ANKRD28: variants seen among roughly 807,000 people sequenced by gnomAD.
The protein encoded by ANKRD28 is serine/threonine-protein phosphatase 6 regulatory ankyrin repeat subunit A.
In ANKRD28, 44 loss-of-function variants were observed where a neutral mutation model predicts 126.5. That is an observed-to-expected ratio of 0.35 (90% CI 0.27 to 0.45). The LOEUF is 0.45. Among genes scored for constraint, ANKRD28 ranks in the 20% least tolerant of loss-of-function variants. ANKRD28 has a pLI of 1.00. For synonymous variants in ANKRD28, 442 were observed against 468.5 expected (o/e 0.94, Z 0.73); for missense variants, 1,110 against 1,316.6 (o/e 0.84, Z 2.43).
At chr3:15,798,211 A>ACGG (rs2060364713), upstream of ANKRD28, 1 of 974,324 alleles carries the variant, frequency 1.0e-6, no homozygotes, top group African/African-American at 1.8e-5. Flanking sequence ...ACAATTCCAA[A>ACGG]CGGCTTAACT....
At position 15,796,970 on chromosome 3, in the gene ANKRD28, T is replaced by C; in HGVS notation, c.-449A>G. The C allele has an allele frequency of 4.1e-6, 4 of 985,562 alleles. No individual in the cohort carries two copies. Among genetic ancestry groups the C allele is most frequent in the South Asian group, 4.7e-5 (1 of 21,320 alleles). The allele number at this position is 985,562 out of a possible 1,614,324, so 61.1% of individuals were successfully genotyped here. A position where few individuals can be genotyped will look rare whatever the true frequency, so the allele number is the denominator to read the frequency against. On this transcript the variant is annotated 5_prime_UTR_variant, in exon 1 of 28. Coordinates refer to ENST00000683139, the MANE Select transcript of ANKRD28 (RefSeq NM_001349278.2). ...GCTGTGACAGAGATGATCACAGCGATACCCACTCTTGCCTGCAAGGTCATA... is the reference window on the plus strand; with the variant it reads ...GCTGTGACAGAGATGATCACAGCGACACCCACTCTTGCCTGCAAGGTCATA...
chr3:15,795,038 C>T (rs1228953885), intron 2 of ANKRD28, among the ~76,000 whole-genome samples, 185 bp downstream of exon 2: 1 of 152,018 alleles, frequency 6.6e-6, no homozygotes, highest in Non-Finnish European at 1.5e-5. Context: ...ACAAAAGACC[C>T]CTACTGGCTG....
At chr3:15,819,202 T>C (rs1480321639) in intron 1 of ANKRD28, among the ~76,000 whole-genome samples, 1 of 152,120 alleles carries the variant, frequency 6.6e-6, no homozygotes, top group Non-Finnish European at 1.5e-5. Context: ...TGCTTGAGCC[T>C]GGGAGGTCAA....
Position 15,678,254 on chromosome 3 carries a change from T to A in ANKRD28, c.2662A>T (p.Thr888Ser), listed in dbSNP as rs753880632. The change falls in exon 24 of 28, where the codon ACA becomes TCA. Residue 888 changes from threonine (T) to serine (S), a missense_variant. Transcript: ENST00000683139. ...QVNSVDSTGK[T>S]PLMMAAENGQ... ...TTTTCTGCAGCCATCATAAGAGGTGTTTTCCCTGTAGAGTCCACAGAATTG... is the reference window on the plus strand; with the variant it reads ...TTTTCTGCAGCCATCATAAGAGGTGATTTCCCTGTAGAGTCCACAGAATTG... 1 of 1,612,654 alleles carries A rather than the reference T, an allele frequency of 6.2e-7. No individual in the cohort carries two copies. Among genetic ancestry groups the A allele is most frequent in the South Asian group, 1.1e-5 (1 of 91,006 alleles).
chr3:15,695,808 T>C (rs2125887608), intron 15 of ANKRD28, among the ~76,000 whole-genome samples: 1 of 152,260 alleles, frequency 6.6e-6, no homozygotes, highest in South Asian at 2.1e-4. Context: ...TCACAGGGAC[T>C]TTTATTTCTC....
At chr3:15,764,170 G>C (rs918423267) in intron 3 of ANKRD28, among the ~76,000 whole-genome samples, 1 of 152,144 alleles carries the variant, frequency 6.6e-6, no homozygotes, top group Non-Finnish European at 1.5e-5. Context: ...ACTGAGCTGA[G>C]ATTGTGCCAC....
In ANKRD28 at chr3:15,742,945, C is replaced by T. The variant is rs1255040792; in HGVS notation, c.352-5712G>A. Reference sequence around the variant, plus strand: ...TTGTGGAATAGAAAGGGGGGAAAGGCGGGGAAAGGATTGAGAAATCGGATG... The same window carrying T: ...TTGTGGAATAGAAAGGGGGGAAAGGTGGGGAAAGGATTGAGAAATCGGATG... On this transcript the variant is annotated intron_variant, in intron 4 of 27. Transcript: ENST00000683139. 1.6e-3 allele frequency among the ~76,000 whole-genome samples: 246 copies of T among 150,908 alleles called. 5 individuals carry two copies. Among genetic ancestry groups the T allele is most frequent in the Non-Finnish European group, 5.6e-4 (38 of 67,764 alleles).
intron 1 of ANKRD28, chr3:15,859,342 G>A (rs560709934): frequency 2.6e-6 from 4 of 1,521,068 alleles, no homozygotes; most frequent in Non-Finnish European, 3.5e-6. Context: ...TTCCTTCCCG[G>A]ACGGCGCGAT....
Position 15,737,080 on chromosome 3 carries a change from C to A in ANKRD28, c.505G>T (p.Ala169Ser). 6.2e-7 allele frequency: 1 copy of A among 1,613,958 alleles called. No homozygotes were observed. Among genetic ancestry groups the A allele is most frequent in the Non-Finnish European group, 8.5e-7 (1 of 1,179,876 alleles). Reference protein sequence around the residue: ...LLSNVNVSDRAGRTALHHAAF... With the variant: ...LLSNVNVSDRSGRTALHHAAF... Reference sequence around the variant, plus strand: ...GCATGATGTAATGCAGTCCTCCCTGCTCGATCAGATACGTTTACATTACTC... The same window carrying A: ...GCATGATGTAATGCAGTCCTCCCTGATCGATCAGATACGTTTACATTACTC... Residue 169 changes from alanine to serine, a missense_variant, in exon 5 of 28, where the codon GCA becomes TCA. Coordinates refer to ENST00000683139, the MANE Select transcript of ANKRD28 (RefSeq NM_001349278.2).
chr3:15,797,014 T>C lies in ANKRD28; in HGVS notation c.-493A>G, dbSNP rs1246493313. ...GGTCATATAGTTACCAGTAGCTGTT[T>C]TGCTTATAATTGAAAATAAAAAATA... On this transcript the variant is annotated 5_prime_UTR_variant, in exon 1 of 28. Coordinates refer to ENST00000683139, the MANE Select transcript of ANKRD28 (RefSeq NM_001349278.2). 1 of 985,250 alleles carries C rather than the reference T, an allele frequency of 1.0e-6. No homozygotes were observed. Among genetic ancestry groups the C allele is most frequent in the Non-Finnish European group, 1.2e-6 (1 of 829,830 alleles). 61.0% of individuals were successfully genotyped at this position (985,250 alleles called of 1,614,324 possible). A position where few individuals can be genotyped will look rare whatever the true frequency, so the allele number is the denominator to read the frequency against.
chr3:15,837,999 T>A (rs779562529), intron 1 of ANKRD28, among the ~76,000 whole-genome samples: 7 of 151,312 alleles, frequency 4.6e-5, no homozygotes, highest in Admixed American at 2.0e-4. Flanking sequence ...GGGAATATTA[T>A]GAACAACTGT....
At chr3:15,685,086 A>C in intron 21 of ANKRD28, 140 bp downstream of exon 21, 2 of 769,664 alleles carry the variant, frequency 2.6e-6, no homozygotes, top group South Asian at 3.4e-5. Context: ...CGTACTAAGT[A>C]TTATTAGTAC....
Position 15,669,295 on chromosome 3 carries a change from G to A in ANKRD28, c.*975C>T, listed in dbSNP as rs1033681250. The A allele has an allele frequency of 6.6e-6, 1 of 152,094 alleles. No individual in the cohort carries two copies. Among genetic ancestry groups the A allele is most frequent in the Non-Finnish European group, 1.5e-5 (1 of 68,002 alleles). 9.4% of individuals were successfully genotyped at this position (152,094 alleles called of 1,614,324 possible). Reference sequence around the variant, plus strand: ...CCCAACCCATGGTGGGGACACAAAAGTAACATAAGTGACTAAGGTGTGCCA... The same window carrying A: ...CCCAACCCATGGTGGGGACACAAAAATAACATAAGTGACTAAGGTGTGCCA... On this transcript the variant is annotated 3_prime_UTR_variant, in exon 28 of 28. Transcript: ENST00000683139.
intron 2 of ANKRD28, among the ~76,000 whole-genome samples, chr3:15,779,828 C>T (rs192607232): frequency 1.3e-4 from 20 of 152,246 alleles, no homozygotes; most frequent in Admixed American, 3.3e-4. Context: ...ATTCTAAGTA[C>T]TGAATTTATT....
chr3:15,737,386 T>C (rs2075090433), intron 4 of ANKRD28, among the ~76,000 whole-genome samples, 153 bp from the exon 5 acceptor site: 1 of 152,124 alleles, frequency 6.6e-6, no homozygotes, highest in South Asian at 2.1e-4. Context: ...AGTAGGAATT[T>C]ACCCAAGGAA....
At chr3:15,784,575 C>T (rs2059686490) in intron 2 of ANKRD28, among the ~76,000 whole-genome samples, 1 of 127,356 alleles carries the variant, frequency 7.9e-6, no homozygotes, top group Non-Finnish European at 1.7e-5. Flanking sequence ...TCAATTAAAA[C>T]CACAGAAGGC....
chr3:15,696,168 G>A lies in ANKRD28; in HGVS notation c.1625C>T (p.Ser542Leu). Residue 542 changes from serine to leucine, a missense_variant, in exon 15 of 28, where the codon TCA becomes TTA. Physicochemically the swap from Ser to Leu is moderately radical, Grantham distance 145. Coordinates refer to ENST00000683139, the MANE Select transcript of ANKRD28 (RefSeq NM_001349278.2). ...DKQGYNAVHY[S>L]AAYGHRLCLQ... ...ACATAGACGGTGACCATAAGCAGCT[G>A]AATAATGAACTGCGTTGTATCCTTG... 6.3e-7 allele frequency: 1 copy of A among 1,592,432 alleles called. No homozygotes were observed. Among genetic ancestry groups the A allele is most frequent in the Non-Finnish European group, 8.6e-7 (1 of 1,167,566 alleles).
In ANKRD28 at chr3:15,720,951, C is replaced by A. The variant is rs1255155291; in HGVS notation, c.960G>T (p.Glu320Asp). The change falls in exon 8 of 28, where the codon GAG becomes GAT. Residue 320 changes from glutamate (E) to aspartate (D), a missense_variant. Glu to Asp is a conservative substitution (Grantham distance 45). Transcript: ENST00000683139. ...CATCGGCCCCATTGCCAACTAGAAG[C>A]TCTAAACACAATGCTCCATGTGTTG... The part of the protein sequence containing the change: ...AASTHGALCL[E>D]LLVGNGADVN... 1 of 1,613,704 alleles carries A rather than the reference C, an allele frequency of 6.2e-7. No homozygotes were observed. Among genetic ancestry groups the A allele is most frequent in the Non-Finnish European group, 8.5e-7 (1 of 1,179,802 alleles).
At chr3:15,758,265 T>A (rs1213628320) in intron 3 of ANKRD28, among the ~76,000 whole-genome samples, 1 of 152,230 alleles carries the variant, frequency 6.6e-6, no homozygotes, top group Non-Finnish European at 1.5e-5. Context: ...AAATAATGCT[T>A]TTCTTTGGCT....
Sources: allele counts gnomAD v4.1 joint callset (sites outside exome capture counted in the v4.1 genomes callset), GRCh38; gene constraint gnomAD v4.1.1; transcripts MANE v1.5; gene names NCBI Gene and HGNC (gene_info 2026-07-23, HGNC 2026-07-21).